CNTN5: variants seen among roughly 807,000 people sequenced by gnomAD.
CNTN5 encodes contactin 5.
Under a neutral mutation model 129.1 loss-of-function variants are expected in CNTN5, and 77 were observed. The observed-to-expected ratio is 0.60, with a 90% CI of 0.50 to 0.72. CNTN5 has a LOEUF of 0.72. CNTN5 is among the 30% of genes least tolerant of loss of function. The pLI, the probability that CNTN5 is intolerant of heterozygous loss-of-function variation, is 0.00. For synonymous variants in CNTN5, 509 were observed against 465.6 expected (o/e 1.09, Z -1.20); for missense variants, 1,478 against 1,328.8 (o/e 1.11, Z -1.75).
At chr11:99,357,929 T>C (rs11219582) in intron 2 of CNTN5, among the ~76,000 whole-genome samples, 4,868 of 150,718 alleles carry the variant, frequency 0.032, 266 homozygotes, top group African/African-American at 0.11. Context: ...GCATGAACCC[T>C]GGAGGCGGAG....
rs760747331 is a variant in CNTN5, at chr11:99,300,801, C to A, written c.-209-24545C>A. On this transcript the variant is annotated intron_variant, in intron 1 of 24. Transcript: ENST00000524871. ...AGTACATATGAAGAAACAAAAAGGGCAGGTAAAAGTAACAATAAAGAGATC... is the reference window on the plus strand; with the variant it reads ...AGTACATATGAAGAAACAAAAAGGGAAGGTAAAAGTAACAATAAAGAGATC... Among the ~76,000 whole-genome samples, 64 of 151,708 alleles carry A rather than the reference C, an allele frequency of 4.2e-4. 1 individual carries two copies. Among genetic ancestry groups the A allele is most frequent in the South Asian group, 6.2e-4 (3 of 4,812 alleles).
chr11:99,511,602 A>G (rs1456163369), intron 2 of CNTN5, among the ~76,000 whole-genome samples: 3 of 151,834 alleles, frequency 2.0e-5, no homozygotes, highest in East Asian at 1.9e-4. Context: ...TATCCTTGTT[A>G]ACTTTCTGTC....
intron 3 of CNTN5, among the ~76,000 whole-genome samples, chr11:99,695,100 A>G (rs577766966): frequency 5.1e-4 from 78 of 152,192 alleles, no homozygotes; most frequent in African/African-American, 1.8e-3. Flanking sequence ...CAGAAATCCC[A>G]CCAATTCATG....
At chr11:99,607,049 A>T (rs1251969308) in intron 3 of CNTN5, among the ~76,000 whole-genome samples, 1 of 117,918 alleles carries the variant, frequency 8.5e-6, no homozygotes, top group Non-Finnish European at 1.8e-5. Flanking sequence ...CAAGGACTTC[A>T]TGTCCAAAAC....
At chr11:100,093,508 T>G (rs1944876940) in intron 13 of CNTN5, among the ~76,000 whole-genome samples, 1 of 152,034 alleles carries the variant, frequency 6.6e-6, no homozygotes, top group African/African-American at 2.4e-5. Flanking sequence ...CTCAAGTGGT[T>G]CTCCCACTTC....
chr11:99,975,113 A>G (rs1254434497), intron 8 of CNTN5, among the ~76,000 whole-genome samples: 1 of 152,256 alleles, frequency 6.6e-6, no homozygotes, highest in Admixed American at 6.5e-5. Context: ...TAAATAAAAG[A>G]CATAGCCTCA....
Position 100,115,686 on chromosome 11 carries a change from C to G in CNTN5, c.1580+41392C>G, listed in dbSNP as rs771862530. ...TAGCAGGAATGTTTTGGTAAAAGAC[C>G]TATTTTTTAATTATAATATAATTTT... On this transcript the variant is annotated intron_variant, in intron 13 of 24. Transcript: ENST00000524871. Among the ~76,000 whole-genome samples the G allele has an allele frequency of 3.3e-5, 5 of 151,984 alleles. No homozygotes were observed. In the South Asian group the frequency reaches 1.0e-3, roughly 32 times the overall value.
intron 2 of CNTN5, among the ~76,000 whole-genome samples, chr11:99,473,661 G>T (rs1237404936): frequency 6.6e-6 from 1 of 151,522 alleles, no homozygotes; most frequent in Non-Finnish European, 1.5e-5. Flanking sequence ...ACATTTCTCA[G>T]TGAAACCCAC....
In CNTN5 at chr11:99,055,222, C is replaced by A. The variant is rs543424767; in HGVS notation, c.-210+33952C>A. Among the ~76,000 whole-genome samples, 29 of 152,024 alleles carry A rather than the reference C, an allele frequency of 1.9e-4. No homozygotes were observed. The East Asian group carries it at 5.6e-3, about 29-fold the overall frequency. On this transcript the variant is annotated intron_variant, in intron 1 of 24. Coordinates refer to ENST00000524871, the MANE Select transcript of CNTN5 (RefSeq NM_014361.4). ...TAGCCAGTGAAAGCTTCACAGAGAA[C>A]AAATATAACTATGAGTGGCAATGAA... is the stretch of plus-strand genomic sequence containing the variant.
intron 2 of CNTN5, among the ~76,000 whole-genome samples, chr11:99,337,780 G>T (rs1866299148): frequency 6.6e-6 from 1 of 152,006 alleles, no homozygotes; most frequent in Admixed American, 6.6e-5. Flanking sequence ...TCCACTTGAG[G>T]CTATTCAAAG....
intron 18 of CNTN5, among the ~76,000 whole-genome samples, chr11:100,285,370 T>C (rs1035699867): frequency 6.6e-6 from 1 of 152,176 alleles, no homozygotes; most frequent in East Asian, 1.9e-4. Context: ...CATCATGCCC[T>C]ATCATCCAGC....
At chr11:100,017,600 C>T (rs1289698218) in intron 9 of CNTN5, among the ~76,000 whole-genome samples, 1 of 151,926 alleles carries the variant, frequency 6.6e-6, no homozygotes, top group Non-Finnish European at 1.5e-5. Flanking sequence ...ACATGTACTT[C>T]CTCCATCTAT....
intron 9 of CNTN5, among the ~76,000 whole-genome samples, chr11:100,029,863 G>T (rs1941620308): frequency 6.6e-6 from 1 of 152,020 alleles, no homozygotes. Context: ...CCAAAATAAT[G>T]ACCAATACTG....
intron 9 of CNTN5, among the ~76,000 whole-genome samples, chr11:100,002,527 AAGAC>A (rs1939938929): frequency 6.6e-6 from 1 of 152,158 alleles, no homozygotes. Flanking sequence ...AAGACATAAT[AAGAC>A]AGCAGATAAA....
intron 13 of CNTN5, chr11:100,074,529 T>C (rs79390179): frequency 1.0e-5 from 4 of 399,534 alleles, no homozygotes; most frequent in African/African-American, 8.4e-5. Context: ...TTCACTAGGT[T>C]TTGAAGAAAG....
At chr11:99,492,538 G>A (rs944294823) in intron 2 of CNTN5, among the ~76,000 whole-genome samples, 1 of 152,146 alleles carries the variant, frequency 6.6e-6, no homozygotes, top group Non-Finnish European at 1.5e-5. Flanking sequence ...CTATAGCGCT[G>A]TGATAGTTGA....
In CNTN5 at chr11:99,101,211, T is replaced by G. The variant is rs1866718660; in HGVS notation, c.-210+79941T>G. Among the ~76,000 whole-genome samples the G allele has an allele frequency of 2.0e-5, 3 of 152,184 alleles. No homozygotes were observed. In the South Asian group the frequency reaches 6.2e-4, roughly 32 times the overall value. On this transcript the variant is annotated intron_variant, in intron 1 of 24. Coordinates refer to ENST00000524871, the MANE Select transcript of CNTN5 (RefSeq NM_014361.4). The stretch of plus-strand genomic sequence containing the variant: ...AACAGTATTGGGGAAACCACCCCCA[T>G]GATTCAGTTATCTCTCACCAGTTTC...
At chr11:99,421,381 G>A (rs1942882475) in intron 2 of CNTN5, among the ~76,000 whole-genome samples, 1 of 152,144 alleles carries the variant, frequency 6.6e-6, no homozygotes, top group Admixed American at 6.5e-5. Context: ...CCAGAGAACT[G>A]GGAAGAAGAA....
chr11:99,111,035 A>G (rs957264593), intron 1 of CNTN5, among the ~76,000 whole-genome samples: 1 of 152,054 alleles, frequency 6.6e-6, no homozygotes, highest in African/African-American at 2.4e-5. Context: ...ATTTGTTTAG[A>G]TTTTTCATAG....
Sources: gnomAD v4.1 joint callset for allele counts (sites outside exome capture counted in the v4.1 genomes callset) on GRCh38, gnomAD v4.1.1 for gene constraint, MANE v1.5 for transcripts, NCBI Gene and HGNC (gene_info 2026-07-23, HGNC 2026-07-21) for gene names.